The following DLG2 variants were observed in gnomAD, a reference collection of about 807,000 sequenced individuals.
DLG2 encodes the protein disks large homolog 2.
A neutral mutation model predicts 132.5 loss-of-function variants in DLG2; 45 were observed. The observed-to-expected ratio is 0.34, with a 90% confidence interval of 0.27 to 0.44. The LOEUF (loss-of-function observed/expected upper bound fraction) is 0.44, where lower values mean the gene tolerates loss of function less well. Ranked by LOEUF, DLG2 falls within the 20% of genes least tolerant of loss-of-function variation. The probability of loss-of-function intolerance (pLI) is 1.00; values close to 1 mark genes in which losing one functional copy is unlikely to be tolerated. For synonymous variants in DLG2, 424 were observed against 419.6 expected (o/e 1.01, Z -0.13); for missense variants, 1,045 against 1,196.9 (o/e 0.87, Z 1.87).
intron 21 of DLG2, among the ~76,000 whole-genome samples, chr11:83,518,479 A>AATGCCTCACCCTGCTTCAGCG (rs1168100078): frequency 3.3e-5 from 5 of 152,144 alleles, no homozygotes; most frequent in Admixed American, 6.5e-5. Context: ...CGGGTGAGGC[A>AATGCCTCACCCTGCTTCAGCG]ATGCCTCACC....
At chr11:84,962,756 T>C (rs574248362) in intron 6 of DLG2, among the ~76,000 whole-genome samples, 1 of 152,284 alleles carries the variant, frequency 6.6e-6, no homozygotes, top group South Asian at 2.1e-4. Context: ...GCAAAAGAAA[T>C]AGCAGTAGTA....
chr11:84,941,161 G>T (rs1459926761), intron 6 of DLG2, among the ~76,000 whole-genome samples: 1 of 152,124 alleles, frequency 6.6e-6, no homozygotes, highest in Non-Finnish European at 1.5e-5. Context: ...CAGGCAATAC[G>T]ACTCCTCCAG....
At chr11:84,957,857 G>T (rs900057982) in intron 6 of DLG2, among the ~76,000 whole-genome samples, 13 of 152,184 alleles carry the variant, frequency 8.5e-5, no homozygotes, top group Admixed American at 2.6e-4. Context: ...AAAGCCACAT[G>T]CTAACAAAAG....
At chr11:84,080,070 T>C (rs546098029) in intron 10 of DLG2, among the ~76,000 whole-genome samples, 47 of 152,300 alleles carry the variant, frequency 3.1e-4, no homozygotes, top group Non-Finnish European at 5.1e-4. Context: ...CTTAGGTTGA[T>C]TACCGTGTTG....
chr11:84,372,203 T>C (rs2098709438), intron 7 of DLG2, among the ~76,000 whole-genome samples: 1 of 152,198 alleles, frequency 6.6e-6, no homozygotes, highest in Non-Finnish European at 1.5e-5. Flanking sequence ...ATTAGAATTT[T>C]TAAAATTCAG....
chr11:83,948,119 A>T (rs2084520499), intron 14 of DLG2, among the ~76,000 whole-genome samples: 2 of 152,234 alleles, frequency 1.3e-5, no homozygotes, highest in South Asian at 4.1e-4. Flanking sequence ...TTTTGCCTTC[A>T]TCTCTTATCT....
intron 18 of DLG2, among the ~76,000 whole-genome samples, chr11:83,717,088 C>T (rs2086875372): frequency 6.6e-6 from 1 of 152,132 alleles, no homozygotes; most frequent in Admixed American, 6.5e-5. Flanking sequence ...TTATACTCTA[C>T]TTAAACTTCT....
intron 11 of DLG2, among the ~76,000 whole-genome samples, chr11:84,023,775 A>G (rs1027532901): frequency 2.6e-5 from 4 of 152,144 alleles, no homozygotes; most frequent in South Asian, 2.1e-4. Context: ...TTTATTATTT[A>G]CCAGAAAATA....
At chr11:83,871,632 C>CTCTGTGCTCAGTCACAATGAT (rs751437557) in intron 16 of DLG2, among the ~76,000 whole-genome samples, 12,702 of 42,786 alleles carry the variant, frequency 0.3, 745 homozygotes, top group Non-Finnish European at 0.36. Flanking sequence ...AACTTTCCCA[C>CTCTGTGCTCAGTCACAATGAT]TATGTGCACG....
At chr11:84,825,389 G>T (rs1460516489) in intron 6 of DLG2, among the ~76,000 whole-genome samples, 2 of 151,820 alleles carry the variant, frequency 1.3e-5, no homozygotes, top group African/African-American at 4.8e-5. Flanking sequence ...TGAGGACCTT[G>T]GAAATTTTCC....
chr11:83,471,788 G>T, intron 23 of DLG2, 61 bp from the exon 24 acceptor site: 1 of 1,349,136 alleles, frequency 7.4e-7, no homozygotes, highest in Non-Finnish European at 1.1e-6. Context: ...CTGCAAAACT[G>T]TCCTGCAAGG....
chr11:83,708,715 T>C (rs185728387), intron 18 of DLG2, among the ~76,000 whole-genome samples: 1 of 152,312 alleles, frequency 6.6e-6, no homozygotes, highest in African/African-American at 2.4e-5. Context: ...TTAATTACAA[T>C]TTACATTTAG....
chr11:85,278,784 A>T (rs536983887), intron 4 of DLG2, among the ~76,000 whole-genome samples: 1 of 152,272 alleles, frequency 6.6e-6, no homozygotes, highest in East Asian at 1.9e-4. Flanking sequence ...TCTAGTAAAA[A>T]TCATCCTTTC....
chr11:84,492,670 G>A (rs1173078556), intron 7 of DLG2, among the ~76,000 whole-genome samples: 1 of 152,152 alleles, frequency 6.6e-6, no homozygotes, highest in Non-Finnish European at 1.5e-5. Context: ...AGCATATTTA[G>A]TAAGTGTTAG....
intron 21 of DLG2, among the ~76,000 whole-genome samples, chr11:83,503,420 T>TATATATATAG (rs1555118627): frequency 8.9e-5 from 7 of 78,332 alleles, no homozygotes; most frequent in East Asian, 8.9e-4. Flanking sequence ...TATATATATA[T>TATATATATAG]ATAGATAGAT....
At chr11:84,526,750 G>T (rs1183702320) in intron 7 of DLG2, among the ~76,000 whole-genome samples, 2 of 149,792 alleles carry the variant, frequency 1.3e-5, no homozygotes, top group African/African-American at 2.4e-5. Context: ...GGTACTATCT[G>T]CAGTTTCATG....
At chr11:84,640,618 C>T in intron 6 of DLG2, 1 of 240,064 alleles carries the variant, frequency 4.2e-6, no homozygotes, top group South Asian at 5.5e-5. Context: ...TTCCTAAGAC[C>T]TATTTGTGAT....
intron 7 of DLG2, among the ~76,000 whole-genome samples, chr11:84,288,014 AG>A (rs1169987110): frequency 1.3e-5 from 2 of 151,634 alleles, no homozygotes; most frequent in South Asian, 2.1e-4. Context: ...TAAAGCTTGT[AG>A]GCAGTGGAAC....
intron 6 of DLG2, among the ~76,000 whole-genome samples, chr11:84,736,691 G>A (rs934633059): frequency 6.6e-6 from 1 of 151,424 alleles, no homozygotes; most frequent in Non-Finnish European, 1.5e-5. Flanking sequence ...ATTTCTAACT[G>A]TTGTTAGTAC....
Sources: gnomAD v4.1 joint callset for allele counts (sites outside exome capture counted in the v4.1 genomes callset) on GRCh38, gnomAD v4.1.1 for gene constraint, MANE v1.5 for transcripts, NCBI Gene and HGNC (gene_info 2026-07-23, HGNC 2026-07-21) for gene names.